Variants in CDH18 observed in about 807,000 individuals in gnomAD.
CDH18 encodes cadherin-18.
In CDH18, 31 loss-of-function variants were observed where a neutral mutation model predicts 67.9. That is an observed-to-expected ratio of 0.46 (90% confidence interval 0.34 to 0.62). CDH18 has a LOEUF of 0.62. Among genes scored for constraint, CDH18 ranks in the 20% least tolerant of loss-of-function variants. The probability of loss-of-function intolerance (pLI) is 0.01; values close to 1 mark genes in which losing one functional copy is unlikely to be tolerated. For synonymous variants in CDH18, 362 were observed against 347.2 expected (o/e 1.04, Z -0.48); for missense variants, 890 against 975.5 (o/e 0.91, Z 1.17).
chr5:20,515,286 G>A (rs114709525), intron 1 of CDH18, among the ~76,000 whole-genome samples: 1,532 of 150,754 alleles, frequency 0.01, 18 homozygotes, highest in African/African-American at 0.035. Context: ...AGGAAGAAAG[G>A]GGGAGAGAGA....
At chr5:20,458,499 A>T (rs55865805) in intron 1 of CDH18, among the ~76,000 whole-genome samples, 30,068 of 151,826 alleles carry the variant, frequency 0.2, 3,795 homozygotes, top group East Asian at 0.39. Context: ...GTGCCTGTAG[A>T]CCTAGCTACT....
chr5:19,545,811 T>C (rs1736218149), intron 8 of CDH18, among the ~76,000 whole-genome samples: 1 of 152,176 alleles, frequency 6.6e-6, no homozygotes, highest in Non-Finnish European at 1.5e-5. Context: ...CAAATATGGG[T>C]ATGGAATTCA....
chr5:19,907,570 T>C (rs957159937), intron 2 of CDH18, among the ~76,000 whole-genome samples: 1 of 152,010 alleles, frequency 6.6e-6, no homozygotes, highest in Non-Finnish European at 1.5e-5. Flanking sequence ...CAGTTGATTT[T>C]GAAACAGTTC....
chr5:19,710,680 G>A (rs1764597022), intron 5 of CDH18, among the ~76,000 whole-genome samples: 3 of 151,976 alleles, frequency 2.0e-5, no homozygotes, highest in African/African-American at 7.2e-5. Flanking sequence ...CAAATGTTAT[G>A]TAAAATACAA....
At chr5:20,107,019 G>GT (rs1473596268) in intron 2 of CDH18, among the ~76,000 whole-genome samples, 1 of 150,872 alleles carries the variant, frequency 6.6e-6, no homozygotes, top group Non-Finnish European at 1.5e-5. Context: ...ATGGGTCTTT[G>GT]TTTTTTACAC....
At chr5:20,361,916 G>A (rs1441420158) in intron 1 of CDH18, among the ~76,000 whole-genome samples, 1 of 152,100 alleles carries the variant, frequency 6.6e-6, no homozygotes, top group Admixed American at 6.6e-5. Context: ...GGGTAAGAAA[G>A]AATATCAGTA....
intron 2 of CDH18, among the ~76,000 whole-genome samples, chr5:20,224,575 T>C (rs1741464745): frequency 6.6e-6 from 1 of 151,904 alleles, no homozygotes; most frequent in Non-Finnish European, 1.5e-5. Flanking sequence ...AAATTTATAC[T>C]GGATAAGCTC....
At chr5:19,989,150 T>C (rs1163233733), upstream of CDH18, among the ~76,000 whole-genome samples, 1 of 152,166 alleles carries the variant, frequency 6.6e-6, no homozygotes, top group African/African-American at 2.4e-5. Flanking sequence ...ACTCACCCAT[T>C]GAGCACATCA....
At chr5:19,665,065 TA>T (rs1257393074) in intron 5 of CDH18, among the ~76,000 whole-genome samples, 1 of 152,022 alleles carries the variant, frequency 6.6e-6, no homozygotes, top group Non-Finnish European at 1.5e-5. Flanking sequence ...AACATAATTA[TA>T]AAAATAATTT....
intron 1 of CDH18, among the ~76,000 whole-genome samples, chr5:20,485,302 C>T (rs917422659): frequency 6.6e-6 from 1 of 152,124 alleles, no homozygotes; most frequent in African/African-American, 2.4e-5. Flanking sequence ...ATACTGTAGG[C>T]TTTCCATTGA....
At chr5:19,636,275 T>A (rs1753133610) in intron 5 of CDH18, among the ~76,000 whole-genome samples, 1 of 152,050 alleles carries the variant, frequency 6.6e-6, no homozygotes, top group Non-Finnish European at 1.5e-5. Context: ...CAGTATGATG[T>A]TTTGAAGGAT....
At chr5:19,765,312 C>T (rs1271593084) in intron 3 of CDH18, among the ~76,000 whole-genome samples, 3 of 151,846 alleles carry the variant, frequency 2.0e-5, no homozygotes, top group Non-Finnish European at 4.4e-5. Flanking sequence ...CCAATAAAGG[C>T]ATTAAGGGAA....
At chr5:19,755,462 C>CATATATATAT (rs375579381) in intron 3 of CDH18, among the ~76,000 whole-genome samples, 21,648 of 78,234 alleles carry the variant, frequency 0.28, 5,047 homozygotes, top group Non-Finnish European at 0.41. Flanking sequence ...TATATATACA[C>CATATATATAT]ACACACACAC....
chr5:19,725,922 T>A (rs534088358), intron 4 of CDH18, among the ~76,000 whole-genome samples: 77 of 152,192 alleles, frequency 5.1e-4, no homozygotes, highest in African/African-American at 1.9e-3. Context: ...ACTCCTCAGG[T>A]TTTGAAATTA....
At chr5:19,744,055 TTA>T (rs1769620458) in intron 4 of CDH18, among the ~76,000 whole-genome samples, 1 of 152,148 alleles carries the variant, frequency 6.6e-6, no homozygotes, top group Non-Finnish European at 1.5e-5. Context: ...ACAATATCTA[TTA>T]TATGTTATTA....
chr5:19,738,827 ACC>A (rs1204895184), intron 4 of CDH18, among the ~76,000 whole-genome samples: 1 of 151,710 alleles, frequency 6.6e-6, no homozygotes, highest in Non-Finnish European at 1.5e-5. Context: ...TATACAACAA[ACC>A]CCATGACACA....
intron 1 of CDH18, among the ~76,000 whole-genome samples, chr5:20,335,566 C>T (rs1364649773): frequency 1.3e-5 from 2 of 152,136 alleles, no homozygotes; most frequent in Non-Finnish European, 2.9e-5. Flanking sequence ...TATCCTATTA[C>T]TCTATAAGTC....
At chr5:19,678,068 G>A (rs1394444877) in intron 5 of CDH18, among the ~76,000 whole-genome samples, 5 of 151,720 alleles carry the variant, frequency 3.3e-5, no homozygotes, top group East Asian at 1.9e-4. Flanking sequence ...ACAGATCATC[G>A]AGGCAGAAAA....
intron 2 of CDH18, among the ~76,000 whole-genome samples, chr5:19,968,606 T>G (rs1216320979): frequency 6.7e-6 from 1 of 148,412 alleles, no homozygotes. Context: ...GATTCCCTAT[T>G]TAATAAATGG....
Sources: gnomAD v4.1 joint callset for allele counts (sites outside exome capture counted in the v4.1 genomes callset) on GRCh38, gnomAD v4.1.1 for gene constraint, MANE v1.5 for transcripts, NCBI Gene and HGNC (gene_info 2026-07-23, HGNC 2026-07-21) for gene names.